The following FMN1 variants were observed in gnomAD, a reference collection of about 807,000 sequenced individuals.
The protein encoded by FMN1 is formin-1.
FMN1 carries 110 observed loss-of-function variants against 132.4 expected under a neutral mutation model. The observed-to-expected ratio is 0.83, with a 90% CI of 0.71 to 0.97. The LOEUF (loss-of-function observed/expected upper bound fraction) is 0.97, where lower values mean the gene tolerates loss of function less well. FMN1 is among the 50% of genes least tolerant of loss of function. FMN1 has a pLI of 0.00. For missense variants in FMN1, 1,792 were observed against 1,705.3 expected, an observed-to-expected ratio of 1.05 and a Z score of -0.90; for synonymous variants, 722 against 651.7, an observed-to-expected ratio of 1.11 and a Z score of -1.64.
At chr15:32,887,936 A>C (rs1271088490) in intron 16 of FMN1, among the ~76,000 whole-genome samples, 1 of 152,178 alleles carries the variant, frequency 6.6e-6, no homozygotes, top group African/African-American at 2.4e-5. Context: ...GAAAATGTAG[A>C]TATAACGAGA....
intron 7 of FMN1, among the ~76,000 whole-genome samples, chr15:32,980,458 G>A (rs1341770673): frequency 1.3e-5 from 2 of 152,152 alleles, no homozygotes; most frequent in Non-Finnish European, 2.9e-5. Flanking sequence ...AGGTGCTTCA[G>A]TTCTGTAAAC....
chr15:32,957,003 C>T (rs1254997482), intron 9 of FMN1, among the ~76,000 whole-genome samples: 1 of 152,134 alleles, frequency 6.6e-6, no homozygotes, highest in Non-Finnish European at 1.5e-5. Context: ...CACAAAATTT[C>T]AACAGACTAG....
At chr15:32,961,597 A>C (rs992291681) in intron 9 of FMN1, among the ~76,000 whole-genome samples, 3 of 152,182 alleles carry the variant, frequency 2.0e-5, no homozygotes, top group African/African-American at 7.2e-5. Flanking sequence ...AAAACCCACT[A>C]AAACAGGGAA....
chr15:33,076,294 A>G lies in FMN1; in HGVS notation c.2044-11220T>C, dbSNP rs760359510. Among the ~76,000 whole-genome samples, 299 of 152,334 alleles carry G rather than the reference A, an allele frequency of 2.0e-3. 4 individuals carry two copies. Among genetic ancestry groups the G allele is most frequent in the Non-Finnish European group, 5.7e-4 (39 of 68,030 alleles). Reference sequence around the variant, plus strand: ...CATTGTGACTAAGTTGCTCCTGATAAAAGATGAAGACCTGGAATTTATTAG... The same window carrying G: ...CATTGTGACTAAGTTGCTCCTGATAGAAGATGAAGACCTGGAATTTATTAG... On this transcript the variant is annotated intron_variant, in intron 5 of 20. Coordinates refer to ENST00000616417, the MANE Select transcript of FMN1 (RefSeq NM_001277313.2).
Position 32,964,048 on chromosome 15 carries a change from C to CACAT in FMN1, c.3138+58_3138+59insATGT, listed in dbSNP as rs753118665. The CACAT allele has an allele frequency of 1.5e-3, 1,741 of 1,124,246 alleles. 12 individuals are homozygous for CACAT. The African/African-American group carries it at 0.021, about 14-fold the overall frequency. The allele number at this position is 1,124,246 out of a possible 1,614,324, so 69.6% of individuals were successfully genotyped here. On this transcript the variant is annotated intron_variant, in intron 9 of 20. Transcript: ENST00000616417. Reference sequence around the variant, plus strand: ...ACACACACACACACACACACACACACATATATACCATTTCCCTGTATAATA... The same window carrying CACAT: ...ACACACACACACACACACACACACACACATATATATACCATTTCCCTGTATAATA...
At chr15:32,936,449 C>T (rs746440399) in intron 9 of FMN1, among the ~76,000 whole-genome samples, 1 of 152,146 alleles carries the variant, frequency 6.6e-6, no homozygotes, top group Non-Finnish European at 1.5e-5. Context: ...TGTGAATTCC[C>T]AATTAGAGGG....
At chr15:32,901,846 T>G (rs773019209) in intron 13 of FMN1, 65 bp downstream of exon 13, 6 of 1,372,174 alleles carry the variant, frequency 4.4e-6, no homozygotes, top group Middle Eastern at 1.9e-4. Flanking sequence ...ATTAAAGTGG[T>G]CTCTCCCACT....
At chr15:33,116,904 G>A (rs1036161851) in intron 4 of FMN1, among the ~76,000 whole-genome samples, 1 of 151,386 alleles carries the variant, frequency 6.6e-6, no homozygotes, top group African/African-American at 2.4e-5. Flanking sequence ...AGAAAACGAA[G>A]TACTTGAAAC....
intron 16 of FMN1, among the ~76,000 whole-genome samples, chr15:32,870,369 G>A (rs1353928917): frequency 6.6e-6 from 1 of 152,202 alleles, no homozygotes; most frequent in Non-Finnish European, 1.5e-5. Context: ...CTGGAGTCCA[G>A]GGGAATCCCA....
intron 5 of FMN1, among the ~76,000 whole-genome samples, chr15:33,082,022 T>G (rs113734000): frequency 0.021 from 1,365 of 64,178 alleles, 26 homozygotes; most frequent in African/African-American, 0.078. Context: ...AGTTCAGGGG[T>G]GTGTGTGTGT....
chr15:32,842,487 C>T (rs986432931), intron 17 of FMN1, among the ~76,000 whole-genome samples: 1 of 152,178 alleles, frequency 6.6e-6, no homozygotes, highest in Non-Finnish European at 1.5e-5. Flanking sequence ...GTTGGTTATG[C>T]ACTGTGGATT....
intron 16 of FMN1, among the ~76,000 whole-genome samples, chr15:32,885,911 T>G (rs2059885788): frequency 6.6e-6 from 1 of 152,128 alleles, no homozygotes; most frequent in Non-Finnish European, 1.5e-5. Context: ...TTTCTGGGAT[T>G]TTGCCAGCAG....
chr15:32,895,096 A>T (rs2060122384), intron 15 of FMN1, among the ~76,000 whole-genome samples: 1 of 152,168 alleles, frequency 6.6e-6, no homozygotes, highest in African/African-American at 2.4e-5. Flanking sequence ...TTATAAGTAA[A>T]TAGTCATTAA....
rs746954993 is a variant in FMN1 at position 32,969,135 on chromosome 15, G to A, written c.2566C>T (p.Pro856Ser). 1.9e-6 allele frequency: 3 copies of A among 1,613,894 alleles called. No individual in the cohort carries two copies. Among genetic ancestry groups the A allele is most frequent in the Non-Finnish European group, 2.5e-6 (3 of 1,179,822 alleles). The change falls in exon 8 of 21, where the codon CCA (proline) becomes TCA (serine). Residue 856 changes from proline (P) to serine (S), a missense_variant. Pro to Ser is a moderately conservative substitution (Grantham distance 74, BLOSUM62 -1). Transcript: ENST00000616417. ...DHKDIHAALQ[P>S]MEGMASNQQK... ...TGATTTGATGCCATGCCCTCCATTG[G>A]CTGGAGTGCTGCATGGATGTCTTTG...
intron 12 of FMN1, among the ~76,000 whole-genome samples, chr15:32,907,735 G>A (rs971864117): frequency 1.3e-5 from 2 of 149,664 alleles, no homozygotes; most frequent in African/African-American, 2.4e-5. Context: ...ATTCAAGGTA[G>A]CAACAGGCAA....
chr15:32,902,733 C>CAGT (rs1406344167), intron 12 of FMN1, among the ~76,000 whole-genome samples: 1 of 152,194 alleles, frequency 6.6e-6, no homozygotes, highest in Non-Finnish European at 1.5e-5. Context: ...GACCTACACA[C>CAGT]AGTAGCTCAC....
intron 9 of FMN1, among the ~76,000 whole-genome samples, chr15:32,947,843 C>G (rs148280096): frequency 3.9e-5 from 6 of 152,062 alleles, no homozygotes; most frequent in African/African-American, 1.4e-4. Context: ...ACTAGGTTTA[C>G]TCTATTCTCT....
chr15:32,961,781 C>CA (rs796137385), intron 9 of FMN1, among the ~76,000 whole-genome samples: 29 of 152,286 alleles, frequency 1.9e-4, no homozygotes, highest in African/African-American at 7.0e-4. Flanking sequence ...GACCCAGACA[C>CA]AGAGAGTGAA....
chr15:33,192,770 C>G (rs1315426389), intron 2 of FMN1, among the ~76,000 whole-genome samples: 1 of 152,190 alleles, frequency 6.6e-6, no homozygotes, highest in Non-Finnish European at 1.5e-5. Context: ...CCTTTATTAT[C>G]CTTCTTGACT....
Sources: allele counts gnomAD v4.1 joint callset (sites outside exome capture counted in the v4.1 genomes callset), GRCh38; gene constraint gnomAD v4.1.1; transcripts MANE v1.5; gene names NCBI Gene and HGNC (gene_info 2026-07-23, HGNC 2026-07-21).